DYNC2H1: variants seen among roughly 807,000 people sequenced by gnomAD.
The protein encoded by DYNC2H1 is cytoplasmic dynein 2 heavy chain 1.
A neutral mutation model predicts 570.0 loss-of-function variants in DYNC2H1; 410 were observed. The observed-to-expected ratio is 0.72, with a 90% CI of 0.66 to 0.78. The LOEUF is 0.78. DYNC2H1 is among the 30% of genes least tolerant of loss of function. The probability of loss-of-function intolerance (pLI) is 0.00; values close to 1 mark genes in which losing one functional copy is unlikely to be tolerated. For synonymous variants in DYNC2H1, 1,688 were observed against 1,677.6 expected, an observed-to-expected ratio of 1.01 and a Z score of -0.15; for missense variants, 4,865 against 5,046.4, an observed-to-expected ratio of 0.96 and a Z score of 1.09.
intron 83 of DYNC2H1, among the ~76,000 whole-genome samples, chr11:103,387,800 A>G (rs1941953526): frequency 6.6e-6 from 1 of 152,156 alleles, no homozygotes; most frequent in Admixed American, 6.5e-5. Flanking sequence ...TTTGTCAAAG[A>G]TCAGATAGTT....
intron 83 of DYNC2H1, among the ~76,000 whole-genome samples, chr11:103,381,036 C>G (rs898666006): frequency 2.0e-5 from 3 of 152,054 alleles, no homozygotes; most frequent in Non-Finnish European, 4.4e-5. Context: ...ACAGAACTTA[C>G]AAGAAGGGAG....
At chr11:103,190,153 G>T (rs1273216769) in intron 45 of DYNC2H1, among the ~76,000 whole-genome samples, 1 of 152,134 alleles carries the variant, frequency 6.6e-6, no homozygotes, top group Non-Finnish European at 1.5e-5. Context: ...GTGTCTTCCA[G>T]GCTTCAAACC....
Position 103,129,094 on chromosome 11 carries a change from A to G in DYNC2H1, c.1953+89A>G, listed in dbSNP as rs1859139147. On this transcript the variant is annotated intron_variant, in intron 13 of 88. Transcript: ENST00000375735. The surrounding 1 kb of genome is among the most constrained non-coding windows in gnomAD (Gnocchi z 4.1). ...TCCGGTGTTCCCTTCAGCTTAATAT[A>G]TCAAATGATCTAGATTTTGTTTTGC... The G allele has an allele frequency of 5.5e-6, 6 of 1,094,394 alleles. No homozygotes were observed. Among genetic ancestry groups the G allele is most frequent in the Non-Finnish European group, 7.8e-6 (6 of 769,350 alleles). 67.8% of individuals were successfully genotyped at this position (1,094,394 alleles called of 1,614,324 possible). A position where few individuals can be genotyped will look rare whatever the true frequency, so the allele number is the denominator to read the frequency against.
intron 66 of DYNC2H1, 28 bp downstream of exon 66, chr11:103,253,476 T>C: frequency 6.4e-7 from 1 of 1,573,784 alleles, no homozygotes; most frequent in Admixed American, 1.8e-5. Flanking sequence ...TAATTTACCT[T>C]GGAATCTTTT....
intron 83 of DYNC2H1, among the ~76,000 whole-genome samples, chr11:103,391,639 T>C (rs1942155700): frequency 6.6e-6 from 1 of 152,230 alleles, no homozygotes; most frequent in Admixed American, 6.5e-5. Flanking sequence ...TATCTACCTT[T>C]GGTCTTTGAT....
At chr11:103,449,552 C>G (rs1383529460) in intron 85 of DYNC2H1, among the ~76,000 whole-genome samples, 2 of 152,154 alleles carry the variant, frequency 1.3e-5, no homozygotes, top group Non-Finnish European at 2.9e-5. Context: ...GTCTTACACT[C>G]AACCACGTAA....
chr11:103,205,714 T>C lies in DYNC2H1; in HGVS notation c.8454+750T>C, dbSNP rs557468932. On this transcript the variant is annotated intron_variant, in intron 52 of 88. Coordinates refer to ENST00000375735, the MANE Select transcript of DYNC2H1 (RefSeq NM_001377.3). The surrounding 1 kb of genome is among the most constrained non-coding windows in gnomAD (Gnocchi z 4.5). ...AACCAGAGAGAAATCCCTGCCCTCA[T>C]GGTGTTTACATTCTTCTCAGGTATA... is the stretch of plus-strand genomic sequence containing the variant. 2.6e-5 allele frequency among the ~76,000 whole-genome samples: 4 copies of C among 152,172 alleles called. No homozygotes were observed. Among genetic ancestry groups the C allele is most frequent in the Admixed American group, 6.5e-5 (1 of 15,278 alleles).
intron 1 of DYNC2H1, among the ~76,000 whole-genome samples, chr11:103,110,027 T>G (rs2134669384): frequency 6.6e-6 from 1 of 152,310 alleles, no homozygotes; most frequent in South Asian, 2.1e-4. Flanking sequence ...TTAGATTGTG[T>G]TTTATTTTAA....
At chr11:103,409,200 T>C (rs1942987214) in intron 84 of DYNC2H1, among the ~76,000 whole-genome samples, 1 of 152,062 alleles carries the variant, frequency 6.6e-6, no homozygotes, top group Non-Finnish European at 1.5e-5. Flanking sequence ...CCTTCAAGAA[T>C]ACCTTTGTTG....
At chr11:103,146,842 G>A (rs538718603) in intron 18 of DYNC2H1, among the ~76,000 whole-genome samples, 18 of 152,210 alleles carry the variant, frequency 1.2e-4, no homozygotes, top group African/African-American at 3.9e-4. Flanking sequence ...GACCTCAGGC[G>A]ATCCACCTGC....
chr11:103,458,604 T>TA (rs895075663), intron 87 of DYNC2H1, among the ~76,000 whole-genome samples: 25 of 151,466 alleles, frequency 1.7e-4, no homozygotes, highest in East Asian at 3.9e-4. Flanking sequence ...GTTAACAGTT[T>TA]AAAAAAAAAG....
rs528394611 is a variant in DYNC2H1 at position 103,186,002 on chromosome 11, T to C, written c.6634-240T>C. Among the ~76,000 whole-genome samples, 1 of 152,098 alleles carries C rather than the reference T, an allele frequency of 6.6e-6. No homozygotes were observed. Among genetic ancestry groups the C allele is most frequent in the South Asian group, 2.1e-4 (1 of 4,822 alleles). ...AATGGAATATATTTATACCTTAGTG[T>C]ATAAATAAATATCCACTATGTCATT... On this transcript the variant is annotated intron_variant, in intron 41 of 88. Coordinates refer to ENST00000375735, the MANE Select transcript of DYNC2H1 (RefSeq NM_001377.3). This position sits in a 1 kb window ranked among gnomAD's most constrained non-coding sequence, Gnocchi z 4.5.
intron 82 of DYNC2H1, among the ~76,000 whole-genome samples, chr11:103,329,554 G>T (rs763527326): frequency 6.6e-6 from 1 of 152,140 alleles, no homozygotes; most frequent in Admixed American, 6.5e-5. Context: ...AAGGCAAAAT[G>T]TAAGTAATCT....
chr11:103,278,892 A>G (rs2135331880), intron 70 of DYNC2H1, among the ~76,000 whole-genome samples: 1 of 152,280 alleles, frequency 6.6e-6, no homozygotes, highest in South Asian at 2.1e-4. Context: ...ATGCCCATGT[A>G]ATGAGACTGT....
intron 82 of DYNC2H1, among the ~76,000 whole-genome samples, chr11:103,341,508 A>T (rs938592639): frequency 6.6e-6 from 1 of 152,166 alleles, no homozygotes; most frequent in Non-Finnish European, 1.5e-5. Flanking sequence ...GTAGATTCCT[A>T]AGTTCTATCC....
In DYNC2H1 at chr11:103,153,469, T is replaced by A. The variant is rs779499164; in HGVS notation, c.3263T>A (p.Ile1088Asn). 1.3e-6 allele frequency: 2 copies of A among 1,568,232 alleles called. No homozygotes were observed. The highest frequency in any genetic ancestry group is 8.6e-7 in the Non-Finnish European group (1 of 1,158,488). ...GCAAAGTTAATAAAAGAGAAAAAAA[T>A]TGAGTTTGATGATCTTGAAGTCACA... ...KSAKLIKEKK[I>N]EFDDLEVTRK... The change falls in exon 22 of 89, where the codon ATT becomes AAT. Residue 1088 changes from isoleucine (I) to asparagine (N), a missense_variant. Physicochemically the swap from Ile to Asn is moderately radical, Grantham distance 149. Coordinates refer to ENST00000375735, the MANE Select transcript of DYNC2H1 (RefSeq NM_001377.3).
At position 103,249,765 on chromosome 11, in the gene DYNC2H1, C is replaced by T. The variant is rs911416392; in HGVS notation, c.10043-3520C>T. 1.3e-5 allele frequency among the ~76,000 whole-genome samples: 2 copies of T among 151,960 alleles called. No individual in the cohort carries two copies. The highest frequency in any genetic ancestry group is 4.8e-5 in the African/African-American group (2 of 41,402). ...AAAAACAGGAACACTTTCCATAACA[C>T]AAAAATAACCAAACATTCTCTTCTC... On this transcript the variant is annotated intron_variant, in intron 65 of 88. Coordinates refer to ENST00000375735, the MANE Select transcript of DYNC2H1 (RefSeq NM_001377.3). The surrounding 1 kb of genome is among the most constrained non-coding windows in gnomAD (Gnocchi z 4.6).
At chr11:103,424,913 T>C (rs964290278) in intron 84 of DYNC2H1, among the ~76,000 whole-genome samples, 2 of 152,128 alleles carry the variant, frequency 1.3e-5, no homozygotes, top group East Asian at 3.9e-4. Flanking sequence ...TTATATCCAA[T>C]AGACATAATC....
At chr11:103,358,127 A>C in intron 82 of DYNC2H1, 116 bp from the exon 83 acceptor site, 1 of 577,268 alleles carries the variant, frequency 1.7e-6, no homozygotes, top group Admixed American at 3.2e-5. Context: ...AACTGTTGAC[A>C]ACATTTTTGG....
Sources: gnomAD v4.1 joint callset for allele counts (sites outside exome capture counted in the v4.1 genomes callset) on GRCh38, gnomAD v4.1.1 for gene constraint, Gnocchi (gnomAD v3.1) non-coding constraint, MANE v1.5 for transcripts, NCBI Gene and HGNC (gene_info 2026-07-23, HGNC 2026-07-21) for gene names.